Variants in PTPRT observed in about 807,000 individuals in gnomAD.
PTPRT encodes the protein receptor-type tyrosine-protein phosphatase T.
In PTPRT, 56 loss-of-function variants were observed where a neutral mutation model predicts 176.8. The ratio of observed to expected loss-of-function variants is 0.32; its 90% confidence interval spans 0.26 to 0.40. PTPRT has a LOEUF of 0.40. Among genes scored for constraint, PTPRT ranks in the 10% least tolerant of loss-of-function variants. The pLI, the probability that PTPRT is intolerant of heterozygous loss-of-function variation, is 1.00. For synonymous variants in PTPRT, 783 were observed against 739.0 expected (o/e 1.06, Z -0.96); for missense variants, 1,540 against 1,908.2 (o/e 0.81, Z 3.60).
intron 1 of PTPRT, among the ~76,000 whole-genome samples, chr20:43,011,339 C>T (rs990822796): frequency 1.3e-5 from 2 of 152,084 alleles, no homozygotes; most frequent in African/African-American, 4.8e-5. Context: ...TTACATGTCT[C>T]CTCCTGTAAT....
chr20:42,756,750 C>A (rs972409384), intron 5 of PTPRT, 114 bp from the exon 6 acceptor site: 2 of 938,632 alleles, frequency 2.1e-6, no homozygotes, highest in African/African-American at 3.4e-5. Context: ...AGACTTTCCA[C>A]TATAATAAGG....
intron 1 of PTPRT, chr20:42,968,799 T>G (rs939931826): frequency 1.3e-5 from 2 of 152,260 alleles, no homozygotes; most frequent in Non-Finnish European, 2.9e-5. Flanking sequence ...GGCCTAGGTC[T>G]GCCTGCCTCT....
Position 42,899,809 on chromosome 20 carries a change from G to GC in PTPRT, c.89-13878_89-13877insG, listed in dbSNP as rs1443640644. ...AGCACAAGATTTGGTATCAGAGGATGATGCATGGCTTGGTTATGGCACTTT... is the reference window on the plus strand; with the variant it reads ...AGCACAAGATTTGGTATCAGAGGATGCATGCATGGCTTGGTTATGGCACTTT... On this transcript the variant is annotated intron_variant, in intron 1 of 30. Coordinates refer to ENST00000373187, the MANE Select transcript of PTPRT (RefSeq NM_007050.6). 1.8e-4 allele frequency among the ~76,000 whole-genome samples: 28 copies of GC among 152,338 alleles called. No homozygotes were observed. In the South Asian group the frequency reaches 4.6e-3, roughly 25 times the overall value.
intron 6 of PTPRT, among the ~76,000 whole-genome samples, chr20:42,684,086 C>G (rs949441674): frequency 6.6e-6 from 1 of 152,154 alleles, no homozygotes; most frequent in Non-Finnish European, 1.5e-5. Context: ...GGAACGGTGA[C>G]TCATTCCTGT....
chr20:43,037,518 A>C (rs1294160319), intron 1 of PTPRT, among the ~76,000 whole-genome samples: 1 of 152,240 alleles, frequency 6.6e-6, no homozygotes, highest in Non-Finnish European at 1.5e-5. Flanking sequence ...CCACCAGTAA[A>C]ACCCTACTAC....
chr20:42,989,752 C>T (rs1983786255), intron 1 of PTPRT, among the ~76,000 whole-genome samples: 1 of 152,208 alleles, frequency 6.6e-6, no homozygotes, highest in Non-Finnish European at 1.5e-5. Flanking sequence ...TGCTTTCATG[C>T]TTCATTTACC....
At chr20:42,523,597 C>T (rs1259286014) in intron 7 of PTPRT, among the ~76,000 whole-genome samples, 2 of 152,114 alleles carry the variant, frequency 1.3e-5, no homozygotes, top group South Asian at 2.1e-4. Flanking sequence ...CAGCCAATTG[C>T]ATTTTCTTTT....
intron 6 of PTPRT, among the ~76,000 whole-genome samples, chr20:42,704,586 C>T (rs1450991695): frequency 6.6e-6 from 1 of 152,108 alleles, no homozygotes; most frequent in Admixed American, 6.6e-5. Flanking sequence ...CATTCAGATC[C>T]TGTTAACTGG....
chr20:42,118,342 A>G (rs1987401985), intron 21 of PTPRT, 61 bp downstream of exon 21: 2 of 1,425,800 alleles, frequency 1.4e-6, no homozygotes, highest in Non-Finnish European at 1.9e-6. Flanking sequence ...CATGGAACAA[A>G]GAGATGTTCG....
intron 3 of PTPRT, among the ~76,000 whole-genome samples, chr20:42,785,358 A>G (rs940171905): frequency 3.3e-5 from 5 of 152,302 alleles, no homozygotes; most frequent in African/African-American, 1.2e-4. Context: ...TAATACATAA[A>G]CCATCAGCTC....
intron 9 of PTPRT, among the ~76,000 whole-genome samples, chr20:42,446,159 C>T (rs898313783): frequency 6.6e-6 from 1 of 152,134 alleles, no homozygotes; most frequent in Non-Finnish European, 1.5e-5. Flanking sequence ...TGCAACATAG[C>T]CCTACAGTAG....
intron 1 of PTPRT, among the ~76,000 whole-genome samples, chr20:42,892,583 T>C (rs1345272494): frequency 6.6e-6 from 1 of 152,044 alleles, no homozygotes; most frequent in Non-Finnish European, 1.5e-5. Flanking sequence ...GTAGAGCTCA[T>C]CATTTTGATG....
intron 13 of PTPRT, among the ~76,000 whole-genome samples, chr20:42,280,966 T>G (rs1442109292): frequency 6.6e-6 from 1 of 152,010 alleles, no homozygotes; most frequent in African/African-American, 2.4e-5. Context: ...GGAGTGCAAA[T>G]CCATTGCATC....
chr20:42,880,349 T>C (rs1446115100), intron 2 of PTPRT, among the ~76,000 whole-genome samples: 3 of 152,046 alleles, frequency 2.0e-5, no homozygotes, highest in Admixed American at 1.3e-4. Context: ...CAGATTCAGG[T>C]TTATGTAAAG....
intron 1 of PTPRT, among the ~76,000 whole-genome samples, chr20:42,963,941 C>T (rs1600600447): frequency 6.6e-6 from 1 of 152,272 alleles, no homozygotes; most frequent in Non-Finnish European, 1.5e-5. Context: ...TTCAGGCTTT[C>T]GGGCTACATC....
In PTPRT at chr20:42,074,090, C is replaced by T. The variant is rs1193524632; in HGVS notation, c.*6789G>A. The T allele has an allele frequency of 1.3e-5, 3 of 229,168 alleles. No homozygotes were observed. Among genetic ancestry groups the T allele is most frequent in the African/African-American group, 6.7e-5 (3 of 45,082 alleles). The allele number at this position is 229,168 out of a possible 1,614,324, so 14.2% of individuals were successfully genotyped here. A position where few individuals can be genotyped will look rare whatever the true frequency, so the allele number is the denominator to read the frequency against. On this transcript the variant is annotated 3_prime_UTR_variant, in exon 31 of 31. Transcript: ENST00000373187. ...GCAGAGCTATGGAAGATATGGACAC[C>T]ATATTCTGCCTGACCCCTCAGAAGC... is the stretch of plus-strand genomic sequence containing the variant.
At chr20:42,351,166 A>G (rs1212678284) in intron 10 of PTPRT, among the ~76,000 whole-genome samples, 2 of 151,954 alleles carry the variant, frequency 1.3e-5, no homozygotes, top group Non-Finnish European at 2.9e-5. Flanking sequence ...AGCTGATAGG[A>G]ATGCGACTAT....
At chr20:43,057,338 G>A (rs531664570) in intron 1 of PTPRT, among the ~76,000 whole-genome samples, 2 of 122,592 alleles carry the variant, frequency 1.6e-5, no homozygotes, top group South Asian at 6.1e-4. Flanking sequence ...GGAGAAGGAG[G>A]GGAGGGGAGA....
chr20:42,336,911 C>T (rs6030153), intron 11 of PTPRT, among the ~76,000 whole-genome samples: 3 of 152,208 alleles, frequency 2.0e-5, no homozygotes, highest in African/African-American at 7.2e-5. Flanking sequence ...AACTGGATGT[C>T]TAAAGAGAGG....
Sources: allele counts gnomAD v4.1 joint callset (sites outside exome capture counted in the v4.1 genomes callset), GRCh38; gene constraint gnomAD v4.1.1; transcripts MANE v1.5; gene names NCBI Gene and HGNC (gene_info 2026-07-23, HGNC 2026-07-21).